MCTP2: variants seen among roughly 807,000 people sequenced by gnomAD.
The protein encoded by MCTP2 is multiple C2 and transmembrane domain-containing protein 2.
MCTP2 carries 132 observed loss-of-function variants against 111.6 expected under a neutral mutation model. That is an observed-to-expected ratio of 1.18 (90% CI 1.03 to 1.37). The LOEUF is 1.37. Among genes scored for constraint, MCTP2 ranks in the 40% most tolerant of loss-of-function variants. The probability of loss-of-function intolerance (pLI) is 0.00; values close to 1 mark genes in which losing one functional copy is unlikely to be tolerated. For missense variants in MCTP2, 1,183 were observed against 1,067.9 expected (o/e 1.11, Z -1.50); for synonymous variants, 395 against 387.7 (o/e 1.02, Z -0.22).
intron 21 of MCTP2, among the ~76,000 whole-genome samples, chr15:94,472,334 G>GCA (rs1223540239): frequency 1.2e-4 from 18 of 152,174 alleles, no homozygotes; most frequent in African/African-American, 3.9e-4. Flanking sequence ...CTGAGATCAA[G>GCA]CCACTGCACT....
intron 2 of MCTP2, among the ~76,000 whole-genome samples, chr15:94,302,591 C>A (rs1225941881): frequency 6.6e-6 from 1 of 150,740 alleles, no homozygotes; most frequent in African/African-American, 2.4e-5. Context: ...TCTTGAGCTC[C>A]AGATCCACAC....
chr15:94,411,596 G>A (rs902859584), intron 17 of MCTP2, among the ~76,000 whole-genome samples: 4 of 152,136 alleles, frequency 2.6e-5, no homozygotes, highest in African/African-American at 4.8e-5. Context: ...TTACTACAGC[G>A]TGTTGTACTT....
At chr15:94,447,223 G>T (rs1021295584) in intron 19 of MCTP2, among the ~76,000 whole-genome samples, 3 of 152,156 alleles carry the variant, frequency 2.0e-5, no homozygotes, top group African/African-American at 7.2e-5. Flanking sequence ...GGATGATGTG[G>T]TTAAGTCCAC....
At chr15:94,295,312 CTT>C (rs1248246101) in intron 1 of MCTP2, among the ~76,000 whole-genome samples, 2 of 152,158 alleles carry the variant, frequency 1.3e-5, no homozygotes, top group East Asian at 3.9e-4. Context: ...TAGGGAACCT[CTT>C]TGAGAAATTC....
At chr15:94,408,395 A>G (rs904748353) in intron 17 of MCTP2, among the ~76,000 whole-genome samples, 3 of 152,246 alleles carry the variant, frequency 2.0e-5, no homozygotes, top group African/African-American at 4.8e-5. Flanking sequence ...GGTATATTCA[A>G]TGCTTAAAAT....
chr15:94,429,824 G>T (rs1476817165), intron 17 of MCTP2, among the ~76,000 whole-genome samples: 1 of 152,116 alleles, frequency 6.6e-6, no homozygotes, highest in African/African-American at 2.4e-5. Context: ...GTGTCTCCAC[G>T]TGGACATCTA....
chr15:94,282,709 G>A (rs1258279842), intron 1 of MCTP2, among the ~76,000 whole-genome samples: 1 of 152,150 alleles, frequency 6.6e-6, no homozygotes, highest in African/African-American at 2.4e-5. Flanking sequence ...TTTTTGATGG[G>A]GCTTTTTGCT....
intron 1 of MCTP2, among the ~76,000 whole-genome samples, chr15:94,265,338 G>A (rs774053870): frequency 7.2e-5 from 11 of 152,180 alleles, no homozygotes; most frequent in Non-Finnish European, 1.3e-4. Flanking sequence ...AGAGGCAGAC[G>A]AAGGGACTGA....
chr15:94,474,006 C>G (rs890437396), intron 21 of MCTP2, among the ~76,000 whole-genome samples: 12 of 151,886 alleles, frequency 7.9e-5, no homozygotes, highest in African/African-American at 2.9e-4. Context: ...CCCCACTGAT[C>G]AATTCAATCT....
At chr15:94,431,092 G>C (rs1168912362) in intron 17 of MCTP2, among the ~76,000 whole-genome samples, 1 of 151,900 alleles carries the variant, frequency 6.6e-6, no homozygotes, top group Non-Finnish European at 1.5e-5. Context: ...GGCTGCTTTT[G>C]GTTTGTTTTT....
intron 16 of MCTP2, among the ~76,000 whole-genome samples, chr15:94,400,995 C>T (rs1222656821): frequency 6.6e-6 from 1 of 152,060 alleles, no homozygotes; most frequent in African/African-American, 2.4e-5. Context: ...TTGCCTTTTG[C>T]TCTGTTTACT....
intron 1 of MCTP2, among the ~76,000 whole-genome samples, chr15:94,263,224 C>T (rs570898095): frequency 3.5e-4 from 53 of 152,262 alleles, no homozygotes; most frequent in Non-Finnish European, 4.7e-4. Flanking sequence ...CTTTGGTTTT[C>T]GGCTGAATAG....
rs563457351 is a variant in MCTP2 at position 94,430,775 on chromosome 15, A to G, written c.2086-9401A>G. Among the ~76,000 whole-genome samples, 10 of 148,594 alleles carry G rather than the reference A, an allele frequency of 6.7e-5. No homozygotes were observed. The South Asian group carries it at 8.3e-4, about 12-fold the overall frequency. ...TCAAAAATAAAAAATAAAAAAATAA[A>G]CAAAACACTGGAAGAAGGCATACTC... On this transcript the variant is annotated intron_variant, in intron 17 of 22. Transcript: ENST00000357742.
chr15:94,367,944 C>T (rs2079286606), intron 11 of MCTP2, among the ~76,000 whole-genome samples, 153 bp downstream of exon 11: 1 of 152,144 alleles, frequency 6.6e-6, no homozygotes, highest in Non-Finnish European at 1.5e-5. Flanking sequence ...AGACATCAGA[C>T]TTAGGGGTTA....
At chr15:94,345,704 G>A (rs138198086) in intron 8 of MCTP2, among the ~76,000 whole-genome samples, 9 of 152,234 alleles carry the variant, frequency 5.9e-5, no homozygotes, top group South Asian at 4.1e-4. Flanking sequence ...TATAAAAGGC[G>A]CAAGAATGCA....
intron 17 of MCTP2, among the ~76,000 whole-genome samples, chr15:94,422,585 C>A (rs1454436867): frequency 1.3e-5 from 2 of 152,154 alleles, no homozygotes; most frequent in African/African-American, 4.8e-5. Context: ...TACCATGTCA[C>A]CTGATGTATC....
intron 17 of MCTP2, among the ~76,000 whole-genome samples, chr15:94,421,261 G>A (rs930108962): frequency 2.6e-5 from 4 of 151,924 alleles, no homozygotes; most frequent in African/African-American, 9.7e-5. Context: ...ATTATGTACT[G>A]GGAAACCCAA....
intron 19 of MCTP2, among the ~76,000 whole-genome samples, chr15:94,452,141 A>C (rs567821230): frequency 6.6e-6 from 1 of 152,306 alleles, no homozygotes; most frequent in African/African-American, 2.4e-5. Flanking sequence ...AACATCATTT[A>C]ACTTCCCTGG....
intron 4 of MCTP2, among the ~76,000 whole-genome samples, chr15:94,326,768 C>T (rs1596364400): frequency 6.6e-6 from 1 of 150,604 alleles, no homozygotes; most frequent in African/African-American, 2.4e-5. Flanking sequence ...GCGTTTCACC[C>T]TGTTGGCCAG....
Sources: allele counts gnomAD v4.1 joint callset (sites outside exome capture counted in the v4.1 genomes callset), GRCh38; gene constraint gnomAD v4.1.1; transcripts MANE v1.5; gene names NCBI Gene and HGNC (gene_info 2026-07-23, HGNC 2026-07-21).